Variants in L3MBTL3 observed in about 807,000 individuals in gnomAD.
L3MBTL3 encodes the protein lethal(3)malignant brain tumor-like protein 3.
Under a neutral mutation model 102.3 loss-of-function variants are expected in L3MBTL3, and 27 were observed. That is an observed-to-expected ratio of 0.26 (90% CI 0.19 to 0.36). The LOEUF is 0.36. Ranked by LOEUF, L3MBTL3 falls within the 10% of genes least tolerant of loss-of-function variation. L3MBTL3 has a pLI of 1.00. For missense variants in L3MBTL3, 798 were observed against 955.3 expected, an observed-to-expected ratio of 0.84 and a Z score of 2.17; for synonymous variants, 340 against 320.9, an observed-to-expected ratio of 1.06 and a Z score of -0.64.
chr6:130,103,462 C>T (rs1784816515), intron 18 of L3MBTL3, among the ~76,000 whole-genome samples: 1 of 152,160 alleles, frequency 6.6e-6, no homozygotes, highest in Admixed American at 6.5e-5. Flanking sequence ...TAGCTAGACA[C>T]TGTTTAAAAA....
intron 19 of L3MBTL3, among the ~76,000 whole-genome samples, chr6:130,117,758 G>A (rs1785814687): frequency 6.6e-6 from 1 of 151,828 alleles, no homozygotes. Flanking sequence ...GAAGTGCAGT[G>A]GTGCAATCAT....
intron 19 of L3MBTL3, among the ~76,000 whole-genome samples, chr6:130,116,493 G>T (rs1239029912): frequency 6.6e-6 from 1 of 152,136 alleles, no homozygotes; most frequent in African/African-American, 2.4e-5. Context: ...GCTGCAGTGT[G>T]GGTAATCTCA....
At chr6:130,106,565 A>G (rs2115368918) in intron 19 of L3MBTL3, among the ~76,000 whole-genome samples, 1 of 152,316 alleles carries the variant, frequency 6.6e-6, no homozygotes, top group East Asian at 1.9e-4. Context: ...ATCAAGCAAG[A>G]AATGAAAATG....
At chr6:130,046,252 A>G (rs1214376465) in intron 3 of L3MBTL3, among the ~76,000 whole-genome samples, 1 of 152,232 alleles carries the variant, frequency 6.6e-6, no homozygotes, top group African/African-American at 2.4e-5. Context: ...CCCTGCCTGC[A>G]GTAGCAGGCA....
At chr6:130,034,929 T>A (rs1282133845) in intron 2 of L3MBTL3, among the ~76,000 whole-genome samples, 6 of 152,312 alleles carry the variant, frequency 3.9e-5, no homozygotes, top group East Asian at 1.9e-4. Context: ...ACCGTACACC[T>A]CCTCCTCTCA....
intron 19 of L3MBTL3, among the ~76,000 whole-genome samples, chr6:130,116,930 AT>A (rs375499042): frequency 0.034 from 3,812 of 110,976 alleles, 125 homozygotes; most frequent in African/African-American, 0.088. Context: ...TATTTTTTTT[AT>A]TTTTTTTTCC....
At chr6:130,049,490 G>A (rs1235379428) in intron 4 of L3MBTL3, 97 bp downstream of exon 4, 5 of 853,354 alleles carry the variant, frequency 5.9e-6, no homozygotes, top group South Asian at 5.5e-5. Flanking sequence ...TGAAGGCCCC[G>A]GGTAATTTTT....
chr6:130,081,514 G>C (rs893839978), intron 14 of L3MBTL3, among the ~76,000 whole-genome samples: 7 of 151,198 alleles, frequency 4.6e-5, no homozygotes, highest in African/African-American at 1.7e-4. Flanking sequence ...CGCCTCCTGA[G>C]TTCAAGTGAT....
intron 16 of L3MBTL3, 76 bp downstream of exon 16, chr6:130,086,326 A>C: frequency 8.5e-6 from 8 of 944,904 alleles, no homozygotes; most frequent in Non-Finnish European, 1.2e-5. Flanking sequence ...GTAGATACTT[A>C]ACTTGTGAAG....
intron 16 of L3MBTL3, among the ~76,000 whole-genome samples, chr6:130,088,424 AG>A (rs1253321537): frequency 2.6e-5 from 4 of 152,220 alleles, no homozygotes; most frequent in South Asian, 4.1e-4. Flanking sequence ...TTAAGAAGGA[AG>A]AAGAGGAGGA....
rs773938183 is a variant in L3MBTL3 at position 130,057,509 on chromosome 6, T to G, written c.759+12T>G. 8.8e-6 allele frequency: 14 copies of G among 1,593,464 alleles called. No individual in the cohort carries two copies. In the African/African-American group the frequency reaches 1.9e-4, roughly 21 times the overall value. On this transcript the variant is annotated intron_variant, in intron 9 of 22. Coordinates refer to ENST00000361794, the MANE Select transcript of L3MBTL3 (RefSeq NM_032438.4). ...AGCTGTTCAAGGAGGTACGGGCCCT[T>G]CTAGAGACGTGATCTGTAAGGGCGC...
At chr6:130,053,316 T>G (rs7740107) in intron 7 of L3MBTL3, among the ~76,000 whole-genome samples, 1 of 152,066 alleles carries the variant, frequency 6.6e-6, no homozygotes, top group African/African-American at 2.4e-5. Context: ...ATCTCATTTC[T>G]TTAAATTGCA....
intron 2 of L3MBTL3, among the ~76,000 whole-genome samples, chr6:130,042,421 T>C (rs1780478486): frequency 6.6e-6 from 1 of 151,576 alleles, no homozygotes; most frequent in South Asian, 2.1e-4. Context: ...TAAATGAATT[T>C]CTTTTGTTTA....
At chr6:130,054,694 C>G (rs183714151) in intron 7 of L3MBTL3, among the ~76,000 whole-genome samples, 161 of 152,156 alleles carry the variant, frequency 1.1e-3, no homozygotes, top group African/African-American at 3.8e-3. Flanking sequence ...GGTGAAGATC[C>G]CAAGTAGGCA....
rs140176629 is a variant in L3MBTL3, at chr6:130,066,750, T to C, written c.1000+262T>C. Among the ~76,000 whole-genome samples the C allele has an allele frequency of 6.6e-5, 10 of 152,332 alleles. No individual in the cohort carries two copies. In the East Asian group the frequency reaches 1.9e-3, roughly 29 times the overall value. The stretch of plus-strand genomic sequence containing the variant: ...CTCAACTTTGACTACAAATAATGTT[T>C]ACCTGCAAATTTCTATTATTAAATA... On this transcript the variant is annotated intron_variant, in intron 11 of 22. Transcript: ENST00000361794.
At chr6:130,049,119 C>A (rs1247754283) in intron 3 of L3MBTL3, among the ~76,000 whole-genome samples, 163 bp from the exon 4 acceptor site, 8 of 152,116 alleles carry the variant, frequency 5.3e-5, no homozygotes, top group Admixed American at 5.2e-4. Flanking sequence ...TAGTAAAATG[C>A]AAAGGTCTTA....
At chr6:130,117,450 C>T (rs1274397253) in intron 19 of L3MBTL3, among the ~76,000 whole-genome samples, 1 of 152,066 alleles carries the variant, frequency 6.6e-6, no homozygotes, top group Non-Finnish European at 1.5e-5. Flanking sequence ...ATATCTTTTA[C>T]TCTGCTCCAG....
chr6:130,058,653 A>G (rs1781686863), intron 9 of L3MBTL3, among the ~76,000 whole-genome samples: 1 of 152,140 alleles, frequency 6.6e-6, no homozygotes, highest in Admixed American at 6.5e-5. Context: ...CAGATAGTAA[A>G]TATGTTAGGC....
rs575749860 is a variant in L3MBTL3 at position 130,048,707 on chromosome 6, G to A, written c.103-575G>A. On this transcript the variant is annotated intron_variant, in intron 3 of 22. Transcript: ENST00000361794. ...ATTCTAAAGAGCAGTGAAAGAAAGA[G>A]GAAATGTGGCACTGGGGTTATGTGG... 2.0e-5 allele frequency among the ~76,000 whole-genome samples: 3 copies of A among 152,244 alleles called. No individual in the cohort carries two copies. The South Asian group carries it at 6.2e-4, about 32-fold the overall frequency.
Sources: allele counts gnomAD v4.1 joint callset (sites outside exome capture counted in the v4.1 genomes callset), GRCh38; gene constraint gnomAD v4.1.1; transcripts MANE v1.5; gene names NCBI Gene and HGNC (gene_info 2026-07-23, HGNC 2026-07-21).